The following ORAI3 variants were observed in gnomAD, a reference collection of about 807,000 sequenced individuals.
ORAI3 encodes protein orai-3.
Under a neutral mutation model 17.2 loss-of-function variants are expected in ORAI3, and 15 were observed. The observed-to-expected ratio is 0.87, with a 90% confidence interval of 0.58 to 1.34. The LOEUF (loss-of-function observed/expected upper bound fraction) is 1.34. Ranked by LOEUF, ORAI3 falls within the 40% of genes most tolerant of loss-of-function variation. The probability of loss-of-function intolerance (pLI) is 0.00; values close to 1 mark genes in which losing one functional copy is unlikely to be tolerated. For missense variants in ORAI3, 405 were observed against 396.7 expected, an observed-to-expected ratio of 1.02 and a Z score of -0.18; for synonymous variants, 178 against 172.4, an observed-to-expected ratio of 1.03 and a Z score of -0.25.
Position 30,954,343 on chromosome 16 carries a change from A to G in ORAI3, c.*499A>G, listed in dbSNP as rs903740223. ...AAAGATGCTCCCACCACAGCCTCCC[A>G]GGTAGTGAGTAGCTGGTACTACAGG... On this transcript the variant is annotated 3_prime_UTR_variant, in exon 2 of 2. Coordinates refer to ENST00000318663, the MANE Select transcript of ORAI3 (RefSeq NM_152288.3). 2.7e-5 allele frequency: 15 copies of G among 555,242 alleles called. No individual in the cohort carries two copies. The highest frequency in any genetic ancestry group is 2.3e-4 in the African/African-American group (12 of 52,368). 34.4% of individuals were successfully genotyped at this position (555,242 alleles called of 1,614,324 possible).
In ORAI3 at chr16:30,952,987, G is replaced by A. The variant is rs1038026174; in HGVS notation, c.229-198G>A. 8.5e-5 allele frequency among the ~76,000 whole-genome samples: 13 copies of A among 152,346 alleles called. 1 individual carries two copies. The highest frequency in any genetic ancestry group is 7.2e-4 in the Admixed American group (11 of 15,304). On this transcript the variant is annotated intron_variant, in intron 1 of 1. Coordinates refer to ENST00000318663, the MANE Select transcript of ORAI3 (RefSeq NM_152288.3). The stretch of plus-strand genomic sequence containing the variant: ...GGCCATCCAGCCCTCTTGATAGGGA[G>A]GTGGGGAAACCAGAACAGAACAGAG...
At position 30,953,323 on chromosome 16, in the gene ORAI3, A is replaced by G; in HGVS notation, c.367A>G (p.Ile123Val). ...LMVSTCLLPH[I>V]EAVSNIHNLN... is the part of the protein sequence containing the mutation. Reference sequence around the variant, plus strand: ...GGTCTCCACGTGTCTGCTGCCCCACATTGAAGCTGTGAGCAACATCCACAA... The same window carrying G: ...GGTCTCCACGTGTCTGCTGCCCCACGTTGAAGCTGTGAGCAACATCCACAA... Residue 123 changes from isoleucine (I) to valine (V), a missense_variant, in exon 2 of 2, where the codon ATT (isoleucine) becomes GTT (valine). By Grantham distance (29) the Ile-to-Val change is conservative. Coordinates refer to ENST00000318663, the MANE Select transcript of ORAI3 (RefSeq NM_152288.3). 2.5e-6 allele frequency: 4 copies of G among 1,614,116 alleles called. No homozygotes were observed. The highest frequency in any genetic ancestry group is 2.5e-6 in the Non-Finnish European group (3 of 1,180,000).
Position 30,949,420 on chromosome 16 carries a change from A to C in ORAI3, c.131A>C (p.His44Pro). The stretch of plus-strand genomic sequence containing the variant: ...CTGGACCTCATGGGGGCCAGTCAGC[A>C]CTCGCTGCGGGCGCTCAGCTGGCGC... ...GYLDLMGASQ[H>P]SLRALSWRRL... is the part of the protein sequence containing the mutation. The change falls in exon 1 of 2, where the codon CAC becomes CCC. Residue 44 changes from histidine to proline, a missense_variant. Coordinates refer to ENST00000318663, the MANE Select transcript of ORAI3 (RefSeq NM_152288.3). 1.2e-6 allele frequency: 2 copies of C among 1,604,712 alleles called. No individual in the cohort carries two copies. Among genetic ancestry groups the C allele is most frequent in the South Asian group, 1.1e-5 (1 of 89,842 alleles).
rs1275181318 is a variant in ORAI3 at position 30,949,439 on chromosome 16, C to G, written c.150C>G (p.Ser50Arg). The G allele has an allele frequency of 6.2e-7, 1 of 1,606,600 alleles. No individual in the cohort carries two copies. The highest frequency in any genetic ancestry group is 8.5e-7 in the Non-Finnish European group (1 of 1,178,078). ...GASQHSLRALSWRRLYLSRAK... is the reference protein window; with the variant it reads ...GASQHSLRALRWRRLYLSRAK... ...GTCAGCACTCGCTGCGGGCGCTCAG[C>G]TGGCGCCGCCTCTACCTCAGCCGGG... Residue 50 changes from serine to arginine, a missense_variant, in exon 1 of 2, where the codon AGC (serine) becomes AGG (arginine). Coordinates refer to ENST00000318663, the MANE Select transcript of ORAI3 (RefSeq NM_152288.3).
chr16:30,949,507 G>A lies in ORAI3; in HGVS notation c.218G>A (p.Gly73Asp). ...ASSRTSALLS[G>D]FAMVAMVEVQ... ...AGCCGCACGTCTGCCTTGCTCTCGGGCTTCGCCATGGTGAGGGGCCGGGAG... is the reference window on the plus strand; with the variant it reads ...AGCCGCACGTCTGCCTTGCTCTCGGACTTCGCCATGGTGAGGGGCCGGGAG... The change falls in exon 1 of 2, where the codon GGC becomes GAC. Residue 73 changes from glycine (G) to aspartate (D), a missense_variant. Physicochemically the swap from Gly to Asp is moderately conservative, Grantham distance 94. Coordinates refer to ENST00000318663, the MANE Select transcript of ORAI3 (RefSeq NM_152288.3). The A allele has an allele frequency of 6.3e-7, 1 of 1,586,346 alleles. No individual in the cohort carries two copies. Among genetic ancestry groups the A allele is most frequent in the Non-Finnish European group, 8.6e-7 (1 of 1,169,002 alleles).
chr16:30,953,875 A>C lies in ORAI3; in HGVS notation c.*31A>C. The stretch of plus-strand genomic sequence containing the variant: ...GTGTTAGCCACCGCTCACTGCAAGC[A>C]CTGCCTCCCTCCGGGGTCTGTAAGA... On this transcript the variant is annotated 3_prime_UTR_variant, in exon 2 of 2. Transcript: ENST00000318663. The C allele has an allele frequency of 6.3e-7, 1 of 1,585,202 alleles. No individual in the cohort carries two copies. The highest frequency in any genetic ancestry group is 8.6e-7 in the Non-Finnish European group (1 of 1,168,176).
At position 30,953,727 on chromosome 16, in the gene ORAI3, C is replaced by A. The variant is rs1324447292; in HGVS notation, c.771C>A (p.Leu257=). Residue 257 remains leucine, a synonymous_variant, in exon 2 of 2, where the codon CTC becomes CTA. Transcript: ENST00000318663. ...ASTAIMVPVG[L]VFVAFALHFY... ...CAGCCATCATGGTACCCGTGGGGCT[C>A]GTGTTTGTGGCCTTTGCCCTGCATT... The A allele has an allele frequency of 3.1e-6, 5 of 1,614,212 alleles. No homozygotes were observed. In the South Asian group the frequency reaches 5.5e-5, roughly 18 times the overall value.
At position 30,953,844 on chromosome 16, in the gene ORAI3, A is replaced by G; in HGVS notation, c.888A>G (p.Ter296TrpextTer4). 1 of 1,604,368 alleles carries G rather than the reference A, an allele frequency of 6.2e-7. No homozygotes were observed. Among genetic ancestry groups the G allele is most frequent in the Non-Finnish European group, 8.5e-7 (1 of 1,175,696 alleles). Reference sequence around the variant, plus strand: ...TGCAGGGGGAGCTGCAGGCTGTGTGAGACTGGTGTTAGCCACCGCTCACTG... The same window carrying G: ...TGCAGGGGGAGCTGCAGGCTGTGTGGGACTGGTGTTAGCCACCGCTCACTG... ...NRLQGELQAV[*>W] The change falls in exon 2 of 2, where the codon TGA becomes TGG. Residue 296 changes from the stop codon to tryptophan (W), a stop_lost. Coordinates refer to ENST00000318663, the MANE Select transcript of ORAI3 (RefSeq NM_152288.3).
chr16:30,949,574 CG>C (rs202180769), intron 1 of ORAI3, 57 bp downstream of exon 1: 10,840 of 223,692 alleles, frequency 0.048, 26 homozygotes, highest in South Asian at 0.064. Flanking sequence ...GGGCACAGGT[CG>C]GGGGGGGGGC....
intron 1 of ORAI3, among the ~76,000 whole-genome samples, chr16:30,951,630 G>A (rs2055925257): frequency 6.6e-6 from 1 of 152,032 alleles, no homozygotes; most frequent in Admixed American, 6.6e-5. Context: ...GGAGGCCAAG[G>A]CAGGAGGATC....
intron 1 of ORAI3, among the ~76,000 whole-genome samples, chr16:30,951,144 A>G (rs748764407): frequency 6.6e-6 from 1 of 152,116 alleles, no homozygotes; most frequent in African/African-American, 2.4e-5. Flanking sequence ...CAGCCTCTAC[A>G]CCTACCTTCT....
chr16:30,950,630 A>G (rs1596661904), intron 1 of ORAI3, among the ~76,000 whole-genome samples: 1 of 151,956 alleles, frequency 6.6e-6, no homozygotes. Flanking sequence ...CTGTGCCACA[A>G]CCTCCATATT....
intron 1 of ORAI3, chr16:30,949,826 C>G (rs777711609): frequency 3.2e-6 from 1 of 315,130 alleles, no homozygotes; most frequent in Non-Finnish European, 6.0e-6. Flanking sequence ...GGAGCCTGTA[C>G]CTGGCAGAAG....
Position 30,954,041 on chromosome 16 carries a change from T to A in ORAI3, c.*197T>A. The A allele has an allele frequency of 1.4e-6, 1 of 721,562 alleles. No individual in the cohort carries two copies. The highest frequency in any genetic ancestry group is 2.7e-5 in the East Asian group (1 of 37,378). 44.7% of individuals were successfully genotyped at this position (721,562 alleles called of 1,614,324 possible). A position where few individuals can be genotyped will look rare whatever the true frequency, so the allele number is the denominator to read the frequency against. On this transcript the variant is annotated 3_prime_UTR_variant, in exon 2 of 2. Coordinates refer to ENST00000318663, the MANE Select transcript of ORAI3 (RefSeq NM_152288.3). ...GGGCAGCTCCCACATTCCCAGGGAT[T>A]TTCCCCATCAGTCTGTCCCTTGGGT...
Position 30,953,899 on chromosome 16 carries a change from GAGGCCGCAGGGGCCTAC to G in ORAI3, c.*58_*74del. 2 of 1,551,874 alleles carry G rather than the reference GAGGCCGCAGGGGCCTAC, an allele frequency of 1.3e-6. No individual in the cohort carries two copies. The highest frequency in any genetic ancestry group is 2.3e-5 in the South Asian group (2 of 85,394). On this transcript the variant is annotated 3_prime_UTR_variant, in exon 2 of 2. Transcript: ENST00000318663. Reference sequence around the variant, plus strand: ...CACTGCCTCCCTCCGGGGTCTGTAAGAGGCCGCAGGGGCCTACAGACCTCATCCCCCCATCCCCTGGC... The same window carrying G: ...CACTGCCTCCCTCCGGGGTCTGTAAGAGACCTCATCCCCCCATCCCCTGGC...
chr16:30,950,939 G>A (rs529475680), intron 1 of ORAI3, among the ~76,000 whole-genome samples: 89 of 152,184 alleles, frequency 5.8e-4, no homozygotes, highest in Non-Finnish European at 9.8e-4. Context: ...CTCTGCAGGA[G>A]GAAGGGGCTG....
At chr16:30,950,683 A>G (rs1326772871) in intron 1 of ORAI3, among the ~76,000 whole-genome samples, 1 of 152,110 alleles carries the variant, frequency 6.6e-6, no homozygotes, top group Non-Finnish European at 1.5e-5. Context: ...GGGTCATCAT[A>G]AGCCTATGGT....
In ORAI3 at chr16:30,953,420, CTGCCCTGGG is replaced by C. The variant is rs771598459; in HGVS notation, c.465_473del (p.Ala156_Gly158del). On this transcript the variant is annotated inframe_deletion, in exon 2 of 2. Transcript: ENST00000318663. ...GTGGAGCTGGCCTGGGGCTTCTCCA[CTGCCCTGGG>C]CACCTTTCTCTTCCTTGCTGAAGTT... 6.2e-7 allele frequency: 1 copy of C among 1,614,282 alleles called. No homozygotes were observed. The highest frequency in any genetic ancestry group is 2.2e-5 in the East Asian group (1 of 44,888).
chr16:30,953,925 TC>T lies in ORAI3; in HGVS notation c.*87del, dbSNP rs1387016145. 4 of 1,436,154 alleles carry T rather than the reference TC, an allele frequency of 2.8e-6. No individual in the cohort carries two copies. The highest frequency in any genetic ancestry group is 2.4e-5 in the East Asian group (1 of 41,862). 89.0% of individuals were successfully genotyped at this position (1,436,154 alleles called of 1,614,324 possible). ...AGGCCGCAGGGGCCTACAGACCTCA[TC>T]CCCCCATCCCCTGGCTGGAGCCACT... On this transcript the variant is annotated 3_prime_UTR_variant, in exon 2 of 2. Coordinates refer to ENST00000318663, the MANE Select transcript of ORAI3 (RefSeq NM_152288.3).
Sources: allele counts gnomAD v4.1 joint callset (sites outside exome capture counted in the v4.1 genomes callset), GRCh38; gene constraint gnomAD v4.1.1; transcripts MANE v1.5; gene names NCBI Gene and HGNC (gene_info 2026-07-23, HGNC 2026-07-21).